Variants in SMCHD1 observed in about 807,000 individuals in gnomAD.
The protein encoded by SMCHD1 is structural maintenance of chromosomes flexible hinge domain containing 1, also known as structural maintenance of chromosomes flexible hinge domain-containing protein 1.
In SMCHD1, 78 loss-of-function variants were observed where a neutral mutation model predicts 254.7. That is an observed-to-expected ratio of 0.31 (90% CI 0.26 to 0.37). SMCHD1 has a LOEUF of 0.37. Ranked by LOEUF, SMCHD1 falls within the 10% of genes least tolerant of loss-of-function variation. SMCHD1 has a pLI of 1.00. For synonymous variants in SMCHD1, 766 were observed against 794.9 expected (o/e 0.96, Z 0.61); for missense variants, 1,840 against 2,408.1 (o/e 0.76, Z 4.94).
chr18:2,786,220 C>T lies in SMCHD1; in HGVS notation c.5719+1599C>T, dbSNP rs556732886. ...GTAGAGATGGGGTTTGAACTCCTGG[C>T]CTTAAGTGATCCACCTTCCTTGGCC... On this transcript the variant is annotated intron_variant, in intron 45 of 47. Coordinates refer to ENST00000320876, the MANE Select transcript of SMCHD1 (RefSeq NM_015295.3). Among the ~76,000 whole-genome samples, 41 of 152,010 alleles carry T rather than the reference C, an allele frequency of 2.7e-4. 1 individual carries two copies. The South Asian group carries it at 7.1e-3, about 26-fold the overall frequency.
intron 26 of SMCHD1, 118 bp downstream of exon 26, chr18:2,738,663 T>C (rs2075295190): frequency 1.1e-6 from 1 of 908,296 alleles, no homozygotes. Flanking sequence ...TATAATAGAT[T>C]GTCTTTGGAA....
intron 47 of SMCHD1, among the ~76,000 whole-genome samples, chr18:2,801,797 T>C (rs1274148067): frequency 6.6e-6 from 1 of 152,168 alleles, no homozygotes; most frequent in Non-Finnish European, 1.5e-5. Context: ...AAGAAAAATA[T>C]TGCAAATTAA....
At chr18:2,686,133 C>T (rs373005810) in intron 5 of SMCHD1, among the ~76,000 whole-genome samples, 5 of 152,072 alleles carry the variant, frequency 3.3e-5, no homozygotes, top group South Asian at 2.1e-4. Context: ...TCTCTTCCCC[C>T]CAAACCCCAA....
intron 5 of SMCHD1, among the ~76,000 whole-genome samples, chr18:2,681,124 A>G (rs555144727): frequency 2.6e-5 from 4 of 152,164 alleles, no homozygotes; most frequent in East Asian, 3.9e-4. Context: ...AAAATTAGCC[A>G]GGTGTAGTCC....
intron 45 of SMCHD1, among the ~76,000 whole-genome samples, chr18:2,795,269 G>A (rs1367742621): frequency 6.6e-6 from 1 of 151,162 alleles, no homozygotes; most frequent in Non-Finnish European, 1.5e-5. Context: ...GTGTTAGCCA[G>A]GATGGTCTTT....
chr18:2,714,835 G>T (rs1181594048), intron 17 of SMCHD1, among the ~76,000 whole-genome samples: 1 of 151,996 alleles, frequency 6.6e-6, no homozygotes, highest in Non-Finnish European at 1.5e-5. Context: ...AAGATTTGTG[G>T]TTGACAGTCC....
At chr18:2,669,183 A>C (rs915323048) in intron 3 of SMCHD1, among the ~76,000 whole-genome samples, 1 of 152,024 alleles carries the variant, frequency 6.6e-6, no homozygotes, top group African/African-American at 2.4e-5. Flanking sequence ...CCATCTTTAC[A>C]AAAAAATACA....
chr18:2,776,048 C>T (rs1018455169), intron 42 of SMCHD1, 124 bp downstream of exon 42: 99 of 857,800 alleles, frequency 1.2e-4, no homozygotes, highest in Non-Finnish European at 1.6e-4. Flanking sequence ...GAATTATATA[C>T]GTTATTTTTG....
chr18:2,760,376 G>T, intron 34 of SMCHD1: 1 of 225,884 alleles, frequency 4.4e-6, no homozygotes, highest in Non-Finnish European at 8.7e-6. Context: ...CATTTTTTAC[G>T]TATTTACTGC....
chr18:2,699,312 C>A (rs1278425558), intron 10 of SMCHD1, among the ~76,000 whole-genome samples: 1 of 152,180 alleles, frequency 6.6e-6, no homozygotes, highest in East Asian at 1.9e-4. Context: ...CATATTGTTA[C>A]TCAGTGGCTC....
chr18:2,800,578 C>G (rs1158547586), intron 47 of SMCHD1: 1 of 152,122 alleles, frequency 6.6e-6, no homozygotes, highest in Non-Finnish European at 1.5e-5. Flanking sequence ...GCTTAAGCTA[C>G]TCTCCTGCCG....
chr18:2,701,463 G>A (rs569593980), intron 12 of SMCHD1, among the ~76,000 whole-genome samples: 17 of 152,162 alleles, frequency 1.1e-4, no homozygotes, highest in African/African-American at 3.9e-4. Flanking sequence ...ACCCAGCCAA[G>A]ATCTTAATAT....
intron 17 of SMCHD1, among the ~76,000 whole-genome samples, chr18:2,709,385 C>T (rs935846028): frequency 1.3e-5 from 2 of 152,044 alleles, no homozygotes; most frequent in African/African-American, 4.8e-5. Context: ...CTTTGAGTCT[C>T]CGCTTTGGTT....
intron 5 of SMCHD1, among the ~76,000 whole-genome samples, chr18:2,686,808 A>G (rs1298350495): frequency 6.6e-6 from 1 of 152,152 alleles, no homozygotes; most frequent in Non-Finnish European, 1.5e-5. Context: ...CTGGTATTAC[A>G]GTGTCCTACC....
At chr18:2,722,377 C>T (rs779772197) in intron 19 of SMCHD1, 142 bp from the exon 20 acceptor site, 33 of 694,848 alleles carry the variant, frequency 4.7e-5, no homozygotes, top group South Asian at 6.9e-5. Context: ...ATAATTTTTG[C>T]GCTGATTTTA....
chr18:2,694,295 A>G (rs530712043), intron 7 of SMCHD1, among the ~76,000 whole-genome samples: 6 of 152,342 alleles, frequency 3.9e-5, no homozygotes, highest in African/African-American at 1.2e-4. Flanking sequence ...GCATTATAAG[A>G]TAGGGTGCTC....
intron 19 of SMCHD1, among the ~76,000 whole-genome samples, chr18:2,719,641 GGAGTGCAGTGGTGT>G (rs1488502761): frequency 6.6e-6 from 1 of 151,116 alleles, no homozygotes; most frequent in Non-Finnish European, 1.5e-5. Context: ...TGCCCAGGCT[GGAGTGCAGTGGTGT>G]GACTGCAGTT....
At chr18:2,663,105 T>C (rs911210270) in intron 1 of SMCHD1, among the ~76,000 whole-genome samples, 1 of 152,220 alleles carries the variant, frequency 6.6e-6, no homozygotes, top group Non-Finnish European at 1.5e-5. Context: ...TGACTTGTGC[T>C]ATTTGCATCT....
In SMCHD1 at chr18:2,703,700, A is replaced by G; in HGVS notation, c.1656A>G (p.Arg552=). ...FTRILNGQEQ[R]MKIDREFALW... is the part of the protein sequence containing the mutation. ...ATTTTAAAATTCTACAGGAACAGCG[A>G]ATGAAAATTGACAGAGAATTTGCTT... Residue 552 remains arginine (R), a synonymous_variant, in exon 13 of 48, where the codon CGA becomes CGG. Coordinates refer to ENST00000320876, the MANE Select transcript of SMCHD1 (RefSeq NM_015295.3). 2 of 1,606,836 alleles carry G rather than the reference A, an allele frequency of 1.2e-6. No homozygotes were observed. The highest frequency in any genetic ancestry group is 1.7e-6 in the Non-Finnish European group (2 of 1,177,312).
Sources: gnomAD v4.1 joint callset for allele counts (sites outside exome capture counted in the v4.1 genomes callset) on GRCh38, gnomAD v4.1.1 for gene constraint, MANE v1.5 for transcripts, NCBI Gene and HGNC (gene_info 2026-07-23, HGNC 2026-07-21) for gene names.